The following CCDC102B variants were observed in gnomAD, a reference collection of about 807,000 sequenced individuals.
CCDC102B encodes the protein coiled-coil domain containing 102B.
A neutral mutation model predicts 57.4 loss-of-function variants in CCDC102B; 75 were observed. The ratio of observed to expected loss-of-function variants is 1.31; its 90% CI spans 1.08 to 1.58. The LOEUF is 1.58. Among genes scored for constraint, CCDC102B ranks in the 40% most tolerant of loss-of-function variants. The pLI is 0.00. For missense variants in CCDC102B, 636 were observed against 582.6 expected, an observed-to-expected ratio of 1.09 and a Z score of -0.94; for synonymous variants, 206 against 201.9, an observed-to-expected ratio of 1.02 and a Z score of -0.17.
Position 69,010,976 on chromosome 18 carries a change from C to CT in CCDC102B, c.1306_1307insT (p.Gln436LeufsTer20). ...ACATGCCTACTATAAACTAAACAGACAATACCAGGCAAATATTGCAGAACT... is the reference window on the plus strand; with the variant it reads ...ACATGCCTACTATAAACTAAACAGACTAATACCAGGCAAATATTGCAGAACT... On this transcript the variant is annotated frameshift_variant, in exon 7 of 8. Coordinates refer to ENST00000360242, the MANE Select transcript of CCDC102B (RefSeq NM_024781.3). LOFTEE classifies it high-confidence loss of function. 6.2e-7 allele frequency: 1 copy of CT among 1,612,592 alleles called. No individual in the cohort carries two copies.
intron 7 of CCDC102B, among the ~76,000 whole-genome samples, chr18:69,040,988 C>T (rs891453775): frequency 2.6e-5 from 4 of 151,930 alleles, no homozygotes; most frequent in Non-Finnish European, 5.9e-5. Flanking sequence ...AAAGTTCCTG[C>T]CATTACTGTT....
intron 2 of CCDC102B, among the ~76,000 whole-genome samples, chr18:68,726,110 G>A (rs2032582139): frequency 6.6e-6 from 1 of 152,190 alleles, no homozygotes; most frequent in Admixed American, 6.5e-5. Context: ...ATTAAAAGTT[G>A]AAATACATGA....
chr18:68,833,125 G>A (rs2144774567), intron 1 of CCDC102B, among the ~76,000 whole-genome samples: 1 of 152,254 alleles, frequency 6.6e-6, no homozygotes, highest in Non-Finnish European at 1.5e-5. Context: ...ATATTTTGAA[G>A]CTGCAGAATT....
chr18:68,796,513 T>C (rs1395420882), upstream of CCDC102B, among the ~76,000 whole-genome samples: 2 of 152,028 alleles, frequency 1.3e-5, no homozygotes, highest in Non-Finnish European at 2.9e-5. Flanking sequence ...AAGTAGATAT[T>C]TGGGAGTCAT....
intron 7 of CCDC102B, among the ~76,000 whole-genome samples, chr18:69,034,116 A>G (rs2052221598): frequency 6.6e-6 from 1 of 151,968 alleles, no homozygotes; most frequent in South Asian, 2.1e-4. Context: ...CAGATATACA[A>G]TTTGGAAATA....
intron 2 of CCDC102B, among the ~76,000 whole-genome samples, chr18:68,751,605 C>T (rs2033853451): frequency 1.3e-5 from 2 of 152,176 alleles, no homozygotes; most frequent in South Asian, 4.1e-4. Flanking sequence ...GAAACTTGTA[C>T]ATCAGGTGAC....
chr18:68,980,968 GTC>G (rs1441416112), intron 6 of CCDC102B, among the ~76,000 whole-genome samples: 6 of 152,052 alleles, frequency 3.9e-5, no homozygotes, highest in African/African-American at 1.4e-4. Flanking sequence ...AACATTATAA[GTC>G]CCAATAAGGA....
chr18:68,731,523 C>T (rs906541273), intron 2 of CCDC102B, among the ~76,000 whole-genome samples: 1 of 151,978 alleles, frequency 6.6e-6, no homozygotes, highest in Non-Finnish European at 1.5e-5. Context: ...GAACTATAAT[C>T]TGGACTCTAC....
At chr18:68,833,854 A>G (rs1343382919) in intron 1 of CCDC102B, among the ~76,000 whole-genome samples, 3 of 152,174 alleles carry the variant, frequency 2.0e-5, no homozygotes, top group Admixed American at 2.0e-4. Context: ...GCCTGATTGT[A>G]TGAGCATTTT....
chr18:69,020,753 C>T (rs2051809758), intron 7 of CCDC102B, among the ~76,000 whole-genome samples: 1 of 152,124 alleles, frequency 6.6e-6, no homozygotes, highest in Non-Finnish European at 1.5e-5. Flanking sequence ...CCTTTGAATG[C>T]ATATATTTGT....
At chr18:68,724,364 G>A (rs1186059492) in intron 2 of CCDC102B, among the ~76,000 whole-genome samples, 3 of 152,184 alleles carry the variant, frequency 2.0e-5, no homozygotes, top group East Asian at 3.9e-4. Flanking sequence ...TCTGCAGCTT[G>A]TACTTCTCCC....
intron 1 of CCDC102B, among the ~76,000 whole-genome samples, chr18:68,816,263 T>C (rs1329950692): frequency 1.3e-5 from 2 of 152,184 alleles, no homozygotes; most frequent in Non-Finnish European, 2.9e-5. Flanking sequence ...TGATTATGTA[T>C]TGAATGTCTA....
At chr18:68,905,417 G>A (rs1599666250) in intron 6 of CCDC102B, among the ~76,000 whole-genome samples, 1 of 150,452 alleles carries the variant, frequency 6.6e-6, no homozygotes, top group Non-Finnish European at 1.5e-5. Context: ...TAAAATGCAA[G>A]TTTGAGTTAA....
At chr18:68,822,401 G>GA (rs35792703) in intron 1 of CCDC102B, among the ~76,000 whole-genome samples, 64,237 of 147,194 alleles carry the variant, frequency 0.44, 14,899 homozygotes, top group East Asian at 0.84. Flanking sequence ...TTCAAAAAAA[G>GA]AAAAAAAAAA....
chr18:68,827,527 G>C (rs757829966), intron 1 of CCDC102B, among the ~76,000 whole-genome samples: 29 of 151,936 alleles, frequency 1.9e-4, no homozygotes, highest in Non-Finnish European at 3.8e-4. Flanking sequence ...ATATCAGCCA[G>C]GTGGAATCCA....
intron 1 of CCDC102B, 58 bp from the exon 2 acceptor site, chr18:68,836,691 G>C: frequency 4.3e-6 from 4 of 938,738 alleles, no homozygotes; most frequent in Non-Finnish European, 6.1e-6. Context: ...TGTAGGTCTT[G>C]TTCCTGTATT....
At position 68,992,819 on chromosome 18, in the gene CCDC102B, G is replaced by A. The variant is rs150435487; in HGVS notation, c.1264-18115G>A. ...CAGCCTCATGTAGCCACTCGTCGTG[G>A]TCATGCAGCAGCACAGGTGTGTGGC... is the stretch of plus-strand genomic sequence containing the variant. On this transcript the variant is annotated intron_variant, in intron 6 of 7. Coordinates refer to ENST00000360242, the MANE Select transcript of CCDC102B (RefSeq NM_024781.3). 8.3e-3 allele frequency: 1,353 copies of A among 163,446 alleles called. 27 individuals carry two copies. The highest frequency in any genetic ancestry group is 0.03 in the African/African-American group (1,269 of 41,748). 10.1% of individuals were successfully genotyped at this position (163,446 alleles called of 1,614,324 possible).
At chr18:68,901,731 T>G (rs552395047) in intron 6 of CCDC102B, among the ~76,000 whole-genome samples, 14 of 152,264 alleles carry the variant, frequency 9.2e-5, no homozygotes, top group African/African-American at 3.4e-4. Context: ...TTTCTTTGCC[T>G]TTAATTTATT....
intron 6 of CCDC102B, among the ~76,000 whole-genome samples, chr18:68,911,869 T>C (rs2040887225): frequency 6.8e-6 from 1 of 147,498 alleles, no homozygotes; most frequent in African/African-American, 2.5e-5. Context: ...TTTACCTACA[T>C]GTACCCCTGA....
Sources: allele counts gnomAD v4.1 joint callset (sites outside exome capture counted in the v4.1 genomes callset), GRCh38; gene constraint gnomAD v4.1.1; transcripts MANE v1.5; gene names NCBI Gene and HGNC (gene_info 2026-07-23, HGNC 2026-07-21).